OCA2: variants seen among roughly 807,000 people sequenced by gnomAD.
OCA2 encodes the protein OCA2 melanosomal transmembrane protein, also known as P protein.
A neutral mutation model predicts 100.2 loss-of-function variants in OCA2; 77 were observed. That is an observed-to-expected ratio of 0.77 (90% CI 0.64 to 0.93). The LOEUF (loss-of-function observed/expected upper bound fraction) is 0.93. OCA2 is among the 40% of genes least tolerant of loss of function. The pLI is 0.00. For missense variants in OCA2, 1,062 were observed against 1,089.1 expected (o/e 0.98, Z 0.35); for synonymous variants, 432 against 439.2 (o/e 0.98, Z 0.21).
At chr15:27,837,741 G>T (rs114763566) in intron 23 of OCA2, among the ~76,000 whole-genome samples, 9 of 151,808 alleles carry the variant, frequency 5.9e-5, no homozygotes, top group African/African-American at 1.9e-4. Context: ...TGCATCACCC[G>T]CAAGAGAAGA....
chr15:28,011,238 G>A (rs936501228), intron 9 of OCA2, among the ~76,000 whole-genome samples: 1 of 152,282 alleles, frequency 6.6e-6, no homozygotes, highest in Non-Finnish European at 1.5e-5. Context: ...GCCAAAGCAG[G>A]AGAATCTCTT....
At chr15:27,811,515 TA>T (rs200320650) in intron 23 of OCA2, among the ~76,000 whole-genome samples, 13 of 151,400 alleles carry the variant, frequency 8.6e-5, no homozygotes, top group African/African-American at 2.9e-4. Flanking sequence ...GCTATTGAAA[TA>T]AAAAAAAATT....
chr15:27,892,208 A>T (rs372642935), intron 19 of OCA2, among the ~76,000 whole-genome samples: 26 of 152,290 alleles, frequency 1.7e-4, no homozygotes, highest in African/African-American at 6.3e-4. Context: ...ACACTGAACC[A>T]AAGGGATTTA....
intron 19 of OCA2, among the ~76,000 whole-genome samples, chr15:27,879,062 T>C (rs1451165131): frequency 6.6e-6 from 1 of 152,064 alleles, no homozygotes; most frequent in Non-Finnish European, 1.5e-5. Flanking sequence ...CTCTATCCAT[T>C]GTTCTCTTCG....
chr15:28,014,992 A>G, intron 8 of OCA2, 63 bp from the exon 9 acceptor site: 2 of 1,543,172 alleles, frequency 1.3e-6, no homozygotes, highest in Admixed American at 3.4e-5. Context: ...CTCCCTCTGT[A>G]TCAGCCATGG....
chr15:27,740,129 T>C, the OCA2 span, among the ~76,000 whole-genome samples: 1 of 152,190 alleles, frequency 6.6e-6, no homozygotes, highest in African/African-American at 2.4e-5. Context: ...TACATCTGCT[T>C]CCATAGACGT....
intron 9 of OCA2, among the ~76,000 whole-genome samples, chr15:28,009,991 A>G (rs1033539517): frequency 6.6e-6 from 1 of 152,168 alleles, no homozygotes; most frequent in African/African-American, 2.4e-5. Flanking sequence ...TTATAGTAAT[A>G]AACGCTCACA....
At chr15:28,026,964 G>A (rs973094898) in intron 4 of OCA2, among the ~76,000 whole-genome samples, 7 of 152,222 alleles carry the variant, frequency 4.6e-5, no homozygotes, top group Non-Finnish European at 8.8e-5. Context: ...ACAGGGTACC[G>A]TCGCGTGGCC....
At chr15:28,070,625 A>G in intron 2 of OCA2, among the ~76,000 whole-genome samples, 1 of 147,744 alleles carries the variant, frequency 6.8e-6, no homozygotes, top group Non-Finnish European at 1.5e-5. Context: ...GGAAGTGAGG[A>G]GCCCCTCTGC....
chr15:27,842,826 G>GCA (rs139557964), intron 23 of OCA2, among the ~76,000 whole-genome samples: 7 of 137,160 alleles, frequency 5.1e-5, no homozygotes, highest in African/African-American at 1.4e-4. Flanking sequence ...CTGCACACAC[G>GCA]CACACACACA....
intron 19 of OCA2, among the ~76,000 whole-genome samples, chr15:27,921,858 T>C (rs12908643): frequency 0.39 from 59,274 of 151,974 alleles, 11,668 homozygotes; most frequent in Middle Eastern, 0.54. Flanking sequence ...TGCACCACCA[T>C]GCCAGCTAAT....
At chr15:28,027,203 T>A (rs1308996127) in intron 4 of OCA2, among the ~76,000 whole-genome samples, 1 of 152,192 alleles carries the variant, frequency 6.6e-6, no homozygotes, top group Admixed American at 6.5e-5. Context: ...CTCCCACGCA[T>A]GCGCGCCCTA....
intron 21 of OCA2, among the ~76,000 whole-genome samples, chr15:27,859,728 TACA>T (rs2036063779): frequency 1.3e-5 from 2 of 152,020 alleles, no homozygotes; most frequent in Non-Finnish European, 2.9e-5. Context: ...AAAAGAAAAC[TACA>T]GATCAATGTT....
chr15:28,057,662 G>A (rs993375812), intron 2 of OCA2, among the ~76,000 whole-genome samples: 4 of 151,856 alleles, frequency 2.6e-5, no homozygotes, highest in African/African-American at 9.7e-5. Context: ...AATATTTATC[G>A]AGCACTCGCT....
At chr15:27,820,177 C>A (rs935014608) in intron 23 of OCA2, among the ~76,000 whole-genome samples, 8 of 152,178 alleles carry the variant, frequency 5.3e-5, no homozygotes, top group African/African-American at 1.9e-4. Flanking sequence ...GAAGCATAAA[C>A]ACATGTATGT....
intron 1 of OCA2, among the ~76,000 whole-genome samples, chr15:28,093,480 G>A (rs2044908075): frequency 6.6e-6 from 1 of 151,816 alleles, no homozygotes; most frequent in African/African-American, 2.4e-5. Context: ...GGACTCGAGA[G>A]GGTGGTTCAC....
At chr15:27,913,077 C>G (rs192382774) in intron 19 of OCA2, among the ~76,000 whole-genome samples, 4 of 151,786 alleles carry the variant, frequency 2.6e-5, no homozygotes, top group Non-Finnish European at 5.9e-5. Flanking sequence ...AGAATTTAGA[C>G]GAAATTCAAG....
rs1457587922 is a variant in OCA2, at chr15:28,081,709, C to A, written c.166G>T (p.Ala56Ser). The A allele has an allele frequency of 1.2e-6, 2 of 1,613,832 alleles. No homozygotes were observed. Among genetic ancestry groups the A allele is most frequent in the African/African-American group, 2.7e-5 (2 of 75,064 alleles). ...DPSHSCPRGA[A>S]GQSSWAPAGQ... Reference sequence around the variant, plus strand: ...GCAGGAGCCCAAGAGCTCTGCCCGGCAGCCCCCCTGGGGCAGGAGTGCGAG... The same window carrying A: ...GCAGGAGCCCAAGAGCTCTGCCCGGAAGCCCCCCTGGGGCAGGAGTGCGAG... The change falls in exon 2 of 24, where the codon GCC (alanine) becomes TCC (serine). Residue 56 changes from alanine (A) to serine (S), a missense_variant. Transcript: ENST00000354638.
chr15:27,787,217 A>G (rs1052455174), intron 23 of OCA2, among the ~76,000 whole-genome samples: 4 of 152,234 alleles, frequency 2.6e-5, no homozygotes, highest in Middle Eastern at 3.4e-3. Context: ...CTGCATCTAC[A>G]TTCCTAAAAT....
Sources: allele counts gnomAD v4.1 joint callset (sites outside exome capture counted in the v4.1 genomes callset), GRCh38; gene constraint gnomAD v4.1.1; transcripts MANE v1.5; gene names NCBI Gene and HGNC (gene_info 2026-07-23, HGNC 2026-07-21).